The following GATA6 variants were observed in gnomAD, a reference collection of about 807,000 sequenced individuals.
GATA6 encodes the protein GATA binding protein 6, also known as transcription factor GATA-6.
GATA6 carries 11 observed loss-of-function variants against 48.1 expected under a neutral mutation model. The ratio of observed to expected loss-of-function variants is 0.23; its 90% CI spans 0.14 to 0.38. The LOEUF (loss-of-function observed/expected upper bound fraction) is 0.38. Ranked by LOEUF, GATA6 falls within the 10% of genes least tolerant of loss-of-function variation. GATA6 has a pLI of 1.00. For synonymous variants in GATA6, 419 were observed against 396.1 expected, an observed-to-expected ratio of 1.06 and a Z score of -0.69; for missense variants, 795 against 850.3, an observed-to-expected ratio of 0.93 and a Z score of 0.81.
rs180688081 is a variant in GATA6 at position 22,202,466 on chromosome 18, G to A, written c.*1643G>A. ...GTGGCCTCTTTGTATTTTCTTCATT[G>A]TTGAGTAGATTTCAGGAAATCAGGA... On this transcript the variant is annotated 3_prime_UTR_variant, in exon 7 of 7. Coordinates refer to ENST00000269216, the MANE Select transcript of GATA6 (RefSeq NM_005257.6). The A allele has an allele frequency of 9.2e-5, 14 of 152,256 alleles. No individual in the cohort carries two copies. Among genetic ancestry groups the A allele is most frequent in the African/African-American group, 3.4e-4 (14 of 41,556 alleles). The allele number at this position is 152,256 out of a possible 1,614,324, so 9.4% of individuals were successfully genotyped here.
At chr18:22,192,710 T>G (rs764048043) in intron 6 of GATA6, among the ~76,000 whole-genome samples, 7 of 152,236 alleles carry the variant, frequency 4.6e-5, no homozygotes, top group Non-Finnish European at 1.0e-4. Flanking sequence ...CCACTTAATT[T>G]GAAGATTAGA....
chr18:22,171,307 G>A lies in GATA6; in HGVS notation c.163G>A (p.Gly55Ser), dbSNP rs1463832653. ...SCSRGGERGP[G>S]GASNCGTPQL... ...CTCCCGGGGCGGAGAGCGGGGCCCC[G>A]GCGGCGCCAGCAACTGCGGGACGCC... The change falls in exon 2 of 7, where the codon GGC (glycine) becomes AGC (serine). Residue 55 changes from glycine to serine, a missense_variant. Gly to Ser is a moderately conservative substitution (Grantham distance 56). Around this residue, in one of 5 missense-constraint regions of GATA6, gnomAD observed 591 missense variants for 570.0 expected, o/e 1.04. Transcript: ENST00000269216. The surrounding 1 kb of genome is among the most constrained non-coding windows in gnomAD (Gnocchi z 7.1). 1 of 1,590,324 alleles carries A rather than the reference G, an allele frequency of 6.3e-7. No individual in the cohort carries two copies. The highest frequency in any genetic ancestry group is 8.5e-7 in the Non-Finnish European group (1 of 1,174,864).
chr18:22,198,082 T>C (rs1184809036), intron 6 of GATA6, among the ~76,000 whole-genome samples: 2 of 151,892 alleles, frequency 1.3e-5, no homozygotes, highest in Non-Finnish European at 2.9e-5. Context: ...TTCTTTTTTT[T>C]TTTTTAATTT....
In GATA6 at chr18:22,181,795, C is replaced by A. The variant is rs115998024; in HGVS notation, c.1428+217C>A. On this transcript the variant is annotated intron_variant, in intron 4 of 6. Transcript: ENST00000269216. ...ATAATATGAAATATTACCTTATGCA[C>A]CAGTAGGAAACAAAAAATGCTACCA... 0.02 allele frequency among the ~76,000 whole-genome samples: 2,975 copies of A among 152,122 alleles called. 43 individuals are homozygous for A. The highest frequency in any genetic ancestry group is 0.048 in the Middle Eastern group (14 of 294).
At chr18:22,175,652 A>G (rs2033112304) in intron 2 of GATA6, 1 of 152,216 alleles carries the variant, frequency 6.6e-6, no homozygotes, top group South Asian at 2.1e-4. Context: ...GAAATGAGAA[A>G]AGAGACTTGT....
In GATA6 at chr18:22,181,884, AGT is replaced by A. The variant is rs150799847; in HGVS notation, c.1428+311_1428+312del. On this transcript the variant is annotated intron_variant, in intron 4 of 6. Coordinates refer to ENST00000269216, the MANE Select transcript of GATA6 (RefSeq NM_005257.6). ...GTTTTAGAAATGTGAAAATGTGAAA[AGT>A]GTGTATTTTAGAATTGGTAATATGG... 0.037 allele frequency among the ~76,000 whole-genome samples: 5,646 copies of A among 152,242 alleles called. 372 individuals carry two copies. Among genetic ancestry groups the A allele is most frequent in the African/African-American group, 0.13 (5,338 of 41,508 alleles).
rs1403929669 is a variant in GATA6 at position 22,172,992 on chromosome 18, G to T, written c.1135+713G>T. On this transcript the variant is annotated intron_variant, in intron 2 of 6. Transcript: ENST00000269216. This position sits in a 1 kb window ranked among gnomAD's most constrained non-coding sequence, Gnocchi z 5.2. Reference sequence around the variant, plus strand: ...AGCTGGGCCTTGGTCTGGGGCTGCTGCTCACATGGCCAGGCTGCAACTCAG... The same window carrying T: ...AGCTGGGCCTTGGTCTGGGGCTGCTTCTCACATGGCCAGGCTGCAACTCAG... 6.6e-6 allele frequency among the ~76,000 whole-genome samples: 1 copy of T among 152,182 alleles called. No individual in the cohort carries two copies. Among genetic ancestry groups the T allele is most frequent in the Non-Finnish European group, 1.5e-5 (1 of 68,032 alleles).
intron 6 of GATA6, among the ~76,000 whole-genome samples, 196 bp downstream of exon 6, chr18:22,183,239 C>T (rs1412285221): frequency 6.6e-6 from 1 of 152,172 alleles, no homozygotes; most frequent in East Asian, 1.9e-4. Flanking sequence ...TTACAAACCT[C>T]TTAATTAAGA....
At position 22,171,137 on chromosome 18, in the gene GATA6, G is replaced by A; in HGVS notation, c.-8G>A. 1 of 1,599,588 alleles carries A rather than the reference G, an allele frequency of 6.3e-7. No homozygotes were observed. Among genetic ancestry groups the A allele is most frequent in the Non-Finnish European group, 8.5e-7 (1 of 1,179,444 alleles). On this transcript the variant is annotated 5_prime_UTR_variant, in exon 2 of 7. Coordinates refer to ENST00000269216, the MANE Select transcript of GATA6 (RefSeq NM_005257.6). The surrounding 1 kb of genome is among the most constrained non-coding windows in gnomAD (Gnocchi z 7.1). ...TAGACGTCAGCTTGGAGCGGCGCCG[G>A]ACCGTGGATGGCCTTGACTGACGGC...
intron 3 of GATA6, 66 bp downstream of exon 3, chr18:22,177,187 C>CTCCTG: frequency 7.0e-7 from 1 of 1,431,272 alleles, no homozygotes; most frequent in Admixed American, 2.7e-5. Context: ...CGGCCGGCCC[C>CTCCTG]GCCCTGGCTC....
chr18:22,180,689 T>TAAAAA (rs769055281), intron 3 of GATA6, among the ~76,000 whole-genome samples: 247 of 150,874 alleles, frequency 1.6e-3, no homozygotes, highest in African/African-American at 4.6e-3. Flanking sequence ...TTTTTTTTTT[T>TAAAAA]AAAAAAAACT....
intron 6 of GATA6, among the ~76,000 whole-genome samples, chr18:22,183,395 C>G (rs2033222609): frequency 6.6e-6 from 1 of 152,154 alleles, no homozygotes; most frequent in Non-Finnish European, 1.5e-5. Context: ...CGATGTAGAT[C>G]ATAAGAACTA....
At position 22,171,496 on chromosome 18, in the gene GATA6, C is replaced by G; in HGVS notation, c.352C>G (p.Leu118Val). 3.1e-6 allele frequency: 5 copies of G among 1,602,262 alleles called. No individual in the cohort carries two copies. Among genetic ancestry groups the G allele is most frequent in the Non-Finnish European group, 4.2e-6 (5 of 1,179,602 alleles). The change falls in exon 2 of 7, where the codon CTC (leucine) becomes GTC (valine). Residue 118 changes from leucine (L) to valine (V), a missense_variant. Coordinates refer to ENST00000269216, the MANE Select transcript of GATA6 (RefSeq NM_005257.6). The surrounding 1 kb of genome is among the most constrained non-coding windows in gnomAD (Gnocchi z 7.1). ...SWEDLLLFTD[L>V]DQAATASKLL... ...GGAGGACTTGCTGCTGTTCACTGAC[C>G]TCGACCAAGCCGCGACCGCCAGCAA...
chr18:22,174,539 A>T (rs2033097414), intron 2 of GATA6, among the ~76,000 whole-genome samples: 1 of 151,992 alleles, frequency 6.6e-6, no homozygotes, highest in African/African-American at 2.4e-5. Context: ...GTATTTTTTT[A>T]AGTATGTTTA....
chr18:22,181,440 G>T lies in GATA6; in HGVS notation c.1303-13G>T. On this transcript the variant is annotated splice_polypyrimidine_tract_variant and intron_variant, in intron 3 of 6. Coordinates refer to ENST00000269216, the MANE Select transcript of GATA6 (RefSeq NM_005257.6). ...CTTATATTTTTCCACTTATGTTCTT[G>T]TACTGTTTCTAGCCTTCATCACGGC... 6.2e-7 allele frequency: 1 copy of T among 1,613,876 alleles called. No individual in the cohort carries two copies. The highest frequency in any genetic ancestry group is 8.5e-7 in the Non-Finnish European group (1 of 1,179,882).
intron 3 of GATA6, 134 bp downstream of exon 3, chr18:22,177,255 T>C: frequency 1.3e-6 from 1 of 769,030 alleles, no homozygotes; most frequent in East Asian, 3.2e-5. Flanking sequence ...GGTCCCACCC[T>C]AGCGGGGACC....
intron 3 of GATA6, 61 bp downstream of exon 3, chr18:22,177,182 G>T (rs1472363345): frequency 6.9e-7 from 1 of 1,452,054 alleles, no homozygotes; most frequent in Non-Finnish European, 9.1e-7. Flanking sequence ...TGGCCCGGCC[G>T]GCCCCGCCCT....
At chr18:22,181,332 T>A (rs2033192680) in intron 3 of GATA6, 121 bp from the exon 4 acceptor site, 1 of 1,233,798 alleles carries the variant, frequency 8.1e-7, no homozygotes, top group African/African-American at 1.5e-5. Flanking sequence ...AAGGACCATT[T>A]CATTTATAAT....
intron 2 of GATA6, among the ~76,000 whole-genome samples, chr18:22,174,595 CTG>C (rs2033098108): frequency 6.6e-6 from 1 of 151,916 alleles, no homozygotes; most frequent in African/African-American, 2.4e-5. Context: ...TGCATAGAGT[CTG>C]TTAGGAAATC....
Sources: gnomAD v4.1 joint callset for allele counts (sites outside exome capture counted in the v4.1 genomes callset) on GRCh38, gnomAD v4.1.1 for gene constraint, gnomAD v4.1.1 regional missense constraint, Gnocchi (gnomAD v3.1) non-coding constraint, MANE v1.5 for transcripts, NCBI Gene and HGNC (gene_info 2026-07-23, HGNC 2026-07-21) for gene names.